Variants in SH3RF3 observed in about 807,000 individuals in gnomAD.
SH3RF3 encodes SH3 domain containing ring finger 3, also known as E3 ubiquitin-protein ligase SH3RF3.
In SH3RF3, 29 loss-of-function variants were observed where a neutral mutation model predicts 66.3. The ratio of observed to expected loss-of-function variants is 0.44; its 90% CI spans 0.33 to 0.60. The LOEUF is 0.60. SH3RF3 is among the 20% of genes least tolerant of loss of function. The pLI, the probability that SH3RF3 is intolerant of heterozygous loss-of-function variation, is 0.04. For synonymous variants in SH3RF3, 583 were observed against 532.0 expected, an observed-to-expected ratio of 1.10 and a Z score of -1.32; for missense variants, 1,194 against 1,190.9, an observed-to-expected ratio of 1.00 and a Z score of -0.04.
At chr2:109,421,578 T>C (rs538524803) in intron 5 of SH3RF3, among the ~76,000 whole-genome samples, 1 of 152,180 alleles carries the variant, frequency 6.6e-6, no homozygotes, top group Non-Finnish European at 1.5e-5. Context: ...TGGAGGGACC[T>C]CTTCTTCACC....
chr2:109,476,743 G>T (rs1678693442), intron 8 of SH3RF3, among the ~76,000 whole-genome samples: 1 of 152,218 alleles, frequency 6.6e-6, no homozygotes, highest in African/African-American at 2.4e-5. Context: ...TACAAGAATA[G>T]CTGTTCCATA....
At chr2:109,499,658 T>C (rs1031849210) in intron 9 of SH3RF3, among the ~76,000 whole-genome samples, 3 of 152,116 alleles carry the variant, frequency 2.0e-5, no homozygotes, top group Admixed American at 1.3e-4. Flanking sequence ...TCCTTGGCAG[T>C]GTTTTAGAGG....
intron 1 of SH3RF3, among the ~76,000 whole-genome samples, chr2:109,250,147 T>C (rs1489375511): frequency 2.0e-5 from 3 of 151,976 alleles, no homozygotes; most frequent in African/African-American, 7.2e-5. Context: ...TTAAGGTTTT[T>C]CTCTGTCTTT....
At chr2:109,271,000 G>T (rs1277954145) in intron 1 of SH3RF3, among the ~76,000 whole-genome samples, 5 of 152,172 alleles carry the variant, frequency 3.3e-5, no homozygotes, top group African/African-American at 1.2e-4. Context: ...CATTTTCTGG[G>T]TCACCCCTCA....
rs573737166 is a variant in SH3RF3 at position 109,299,580 on chromosome 2, A to G, written c.574-48094A>G. Among the ~76,000 whole-genome samples the G allele has an allele frequency of 5.3e-5, 8 of 152,254 alleles. No individual in the cohort carries two copies. In the East Asian group the frequency reaches 1.5e-3, roughly 29 times the overall value. On this transcript the variant is annotated intron_variant, in intron 1 of 9. Coordinates refer to ENST00000309415, the MANE Select transcript of SH3RF3 (RefSeq NM_001099289.3). ...TCACCAAGCATCATCATGGGGTGAC[A>G]TTTCCTTCCATTTCCTAAAGTTTCC...
At chr2:109,443,843 A>G (rs1470013872) in intron 7 of SH3RF3, among the ~76,000 whole-genome samples, 2 of 152,246 alleles carry the variant, frequency 1.3e-5, no homozygotes. Context: ...AGTTAGATAT[A>G]AAATGGTAAA....
intron 1 of SH3RF3, among the ~76,000 whole-genome samples, chr2:109,176,005 A>C (rs1174512555): frequency 6.6e-6 from 1 of 152,198 alleles, no homozygotes; most frequent in Non-Finnish European, 1.5e-5. Flanking sequence ...ACGTGGTCTA[A>C]TTGATATTCT....
rs1676815503 is a variant in SH3RF3 at position 109,419,547 on chromosome 2, C to T, written c.1308C>T (p.Ser436=). The T allele has an allele frequency of 6.3e-7, 1 of 1,595,354 alleles. No homozygotes were observed. Among genetic ancestry groups the T allele is most frequent in the East Asian group, 2.3e-5 (1 of 44,032 alleles). Residue 436 remains serine (S), a synonymous_variant, in exon 5 of 10, where the codon TCC becomes TCT. Coordinates refer to ENST00000309415, the MANE Select transcript of SH3RF3 (RefSeq NM_001099289.3). ...LSCAAPTQDV[S]SSAGSTPTAV... ...CTCTTGTCTGTTTCCAGGATGTCTC[C>T]TCCTCGGCGGGATCTACCCCCACGG...
chr2:109,278,864 T>A (rs1210421825), intron 1 of SH3RF3, among the ~76,000 whole-genome samples: 2 of 152,168 alleles, frequency 1.3e-5, no homozygotes, highest in African/African-American at 4.8e-5. Flanking sequence ...TGTGGGGACG[T>A]GCACTCTGCA....
rs1678560443 is a variant in SH3RF3, at chr2:109,198,495, C to G, written c.573+68382C>G. ...GTCTGAGTTTCTCAGGCTGCTATAA[C>G]AAAATACCACACACTGTGTGGCTTA... On this transcript the variant is annotated intron_variant, in intron 1 of 9. Coordinates refer to ENST00000309415, the MANE Select transcript of SH3RF3 (RefSeq NM_001099289.3). Among the ~76,000 whole-genome samples the G allele has an allele frequency of 2.0e-5, 3 of 152,302 alleles. No homozygotes were observed. In the South Asian group the frequency reaches 6.2e-4, roughly 32 times the overall value.
At chr2:109,313,050 G>A (rs2378316) in intron 1 of SH3RF3, among the ~76,000 whole-genome samples, 47,458 of 152,080 alleles carry the variant, frequency 0.31, 9,183 homozygotes, top group African/African-American at 0.55. Flanking sequence ...AGAAGAGGCA[G>A]GAGACAGGGA....
chr2:109,188,134 A>T (rs1325756828), intron 1 of SH3RF3, among the ~76,000 whole-genome samples: 1 of 152,236 alleles, frequency 6.6e-6, no homozygotes, highest in Non-Finnish European at 1.5e-5. Flanking sequence ...AGCATGGGAA[A>T]CAAAATATGA....
chr2:109,148,022 A>G (rs1252138238), intron 1 of SH3RF3, among the ~76,000 whole-genome samples: 1 of 152,158 alleles, frequency 6.6e-6, no homozygotes. Context: ...ATCATGGACA[A>G]GGTCAGTCGG....
At chr2:109,487,063 T>G (rs1678999489) in intron 8 of SH3RF3, among the ~76,000 whole-genome samples, 1 of 152,090 alleles carries the variant, frequency 6.6e-6, no homozygotes, top group Non-Finnish European at 1.5e-5. Context: ...AGGGGGAACG[T>G]TTGCAGAAGA....
chr2:109,318,337 G>A (rs572314482), intron 1 of SH3RF3, among the ~76,000 whole-genome samples: 6 of 152,094 alleles, frequency 3.9e-5, no homozygotes, highest in South Asian at 2.1e-4. Flanking sequence ...CCCCCAGCCC[G>A]GTCCCCAGTG....
chr2:109,479,675 A>G (rs894833275), intron 8 of SH3RF3, among the ~76,000 whole-genome samples: 5 of 152,126 alleles, frequency 3.3e-5, no homozygotes, highest in Non-Finnish European at 7.3e-5. Flanking sequence ...TTGTCTCCTC[A>G]TTTTTAAAAA....
At chr2:109,234,980 C>A (rs996992498) in intron 1 of SH3RF3, among the ~76,000 whole-genome samples, 1 of 152,318 alleles carries the variant, frequency 6.6e-6, no homozygotes, top group South Asian at 2.1e-4. Flanking sequence ...CAGATCCCAA[C>A]GTTTGACTAT....
intron 8 of SH3RF3, among the ~76,000 whole-genome samples, chr2:109,480,368 TA>T (rs540210408): frequency 2.2e-3 from 339 of 152,154 alleles, no homozygotes; most frequent in African/African-American, 7.5e-3. Flanking sequence ...ACAGAAGACA[TA>T]AGGCATTTGT....
chr2:109,151,334 G>A (rs1204136320), intron 1 of SH3RF3, among the ~76,000 whole-genome samples: 2 of 152,106 alleles, frequency 1.3e-5, no homozygotes, highest in Non-Finnish European at 2.9e-5. Context: ...GTGCCTACAC[G>A]TCTCAGAAAC....
Sources: gnomAD v4.1 joint callset for allele counts (sites outside exome capture counted in the v4.1 genomes callset) on GRCh38, gnomAD v4.1.1 for gene constraint, MANE v1.5 for transcripts, NCBI Gene and HGNC (gene_info 2026-07-23, HGNC 2026-07-21) for gene names.